Variants in DOCK4 observed in about 807,000 individuals in gnomAD.
The protein encoded by DOCK4 is dedicator of cytokinesis 4.
In DOCK4, 97 loss-of-function variants were observed where a neutral mutation model predicts 268.1. The ratio of observed to expected loss-of-function variants is 0.36; its 90% CI spans 0.31 to 0.43. The LOEUF (loss-of-function observed/expected upper bound fraction) is 0.43. DOCK4 is among the 20% of genes least tolerant of loss of function. The probability of loss-of-function intolerance (pLI) is 1.00; values close to 1 mark genes in which losing one functional copy is unlikely to be tolerated. For missense variants in DOCK4, 2,145 were observed against 2,455.7 expected (o/e 0.87, Z 2.67); for synonymous variants, 954 against 887.2 (o/e 1.08, Z -1.34).
chr7:111,796,394 T>A (rs1799897576), intron 30 of DOCK4, among the ~76,000 whole-genome samples: 1 of 152,232 alleles, frequency 6.6e-6, no homozygotes, highest in African/African-American at 2.4e-5. Context: ...CATTGCTAGT[T>A]CTCTGCAGTA....
At chr7:111,774,423 C>T (rs1024762927) in intron 36 of DOCK4, among the ~76,000 whole-genome samples, 3 of 151,966 alleles carry the variant, frequency 2.0e-5, no homozygotes, top group East Asian at 1.9e-4. Flanking sequence ...GCCGAGATTG[C>T]ACCACTGCAC....
At chr7:111,767,627 C>G (rs1411642100) in intron 37 of DOCK4, among the ~76,000 whole-genome samples, 1 of 152,146 alleles carries the variant, frequency 6.6e-6, no homozygotes, top group Non-Finnish European at 1.5e-5. Context: ...AAACGATAAT[C>G]TACCACAACA....
chr7:111,929,424 CAA>C (rs1404283820), intron 12 of DOCK4, among the ~76,000 whole-genome samples: 2 of 151,822 alleles, frequency 1.3e-5, no homozygotes, highest in African/African-American at 4.8e-5. Context: ...TAGGAAACTC[CAA>C]AAGTCAGCAA....
At chr7:111,747,757 GT>G (rs11290053) in intron 42 of DOCK4, among the ~76,000 whole-genome samples, 142,900 of 151,392 alleles carry the variant, frequency 0.94, 67,538 homozygotes, top group Middle Eastern at 0.98. Flanking sequence ...TTTAAAACTA[GT>G]TTTTTTTTTC....
At chr7:112,122,137 A>T (rs971719394) in intron 1 of DOCK4, among the ~76,000 whole-genome samples, 3 of 152,024 alleles carry the variant, frequency 2.0e-5, no homozygotes, top group Non-Finnish European at 4.4e-5. Flanking sequence ...TTTATTTTTA[A>T]TTTTGGTGGG....
chr7:111,983,764 G>T (rs145012383), intron 7 of DOCK4, among the ~76,000 whole-genome samples: 1 of 151,948 alleles, frequency 6.6e-6, no homozygotes, highest in South Asian at 2.1e-4. Flanking sequence ...AAGGGTGGGT[G>T]TAAGTCCAGC....
Position 112,141,855 on chromosome 7 carries a change from T to C in DOCK4, c.37+64247A>G, listed in dbSNP as rs540083538. Among the ~76,000 whole-genome samples the C allele has an allele frequency of 3.0e-3, 452 of 152,262 alleles. 2 individuals are homozygous for C. Among genetic ancestry groups the C allele is most frequent in the Non-Finnish European group, 5.6e-3 (383 of 68,016 alleles). On this transcript the variant is annotated intron_variant, in intron 1 of 52. Transcript: ENST00000428084. The stretch of plus-strand genomic sequence containing the variant: ...ACACTGAACTGGGGACACTTCCACT[T>C]ACAGGGGACAGCAGAGTTGCCAGAT...
At chr7:111,785,351 G>A (rs779161562) in intron 32 of DOCK4, among the ~76,000 whole-genome samples, 5 of 152,112 alleles carry the variant, frequency 3.3e-5, no homozygotes, top group Admixed American at 6.6e-5. Flanking sequence ...AAAGCAATGC[G>A]GAATGATGTA....
chr7:112,184,456 T>C (rs1196584666), intron 1 of DOCK4, among the ~76,000 whole-genome samples: 4 of 152,190 alleles, frequency 2.6e-5, no homozygotes, highest in Admixed American at 6.5e-5. Context: ...TACAGTTTAG[T>C]CCTTTGGCTA....
intron 1 of DOCK4, among the ~76,000 whole-genome samples, chr7:112,019,903 C>A (rs1802167885): frequency 6.6e-6 from 1 of 152,166 alleles, no homozygotes; most frequent in African/African-American, 2.4e-5. Context: ...AAAACACAGG[C>A]AACCAGGAAA....
chr7:111,896,726 C>T (rs550804868), intron 15 of DOCK4, among the ~76,000 whole-genome samples: 1 of 152,108 alleles, frequency 6.6e-6, no homozygotes, highest in South Asian at 2.1e-4. Flanking sequence ...GAAGACTGGA[C>T]AAGAAGGTTA....
intron 1 of DOCK4, among the ~76,000 whole-genome samples, chr7:112,203,733 AAAAC>A (rs1438959030): frequency 6.6e-6 from 1 of 152,136 alleles, no homozygotes; most frequent in Admixed American, 6.6e-5. Flanking sequence ...GTTAAAAGAA[AAAAC>A]AAACAACTTG....
At chr7:112,001,783 A>G (rs1409174602) in intron 2 of DOCK4, among the ~76,000 whole-genome samples, 1 of 152,226 alleles carries the variant, frequency 6.6e-6, no homozygotes, top group Non-Finnish European at 1.5e-5. Flanking sequence ...GAAAAAATGT[A>G]GGATGTATAA....
At chr7:111,914,985 C>T (rs1034287391) in intron 13 of DOCK4, among the ~76,000 whole-genome samples, 1 of 152,172 alleles carries the variant, frequency 6.6e-6, no homozygotes, top group Non-Finnish European at 1.5e-5. Context: ...TCAATCAATG[C>T]CTGCTGACTG....
chr7:112,061,204 A>G lies in DOCK4; in HGVS notation c.38-57073T>C, dbSNP rs868102492. On this transcript the variant is annotated intron_variant, in intron 1 of 52. Coordinates refer to ENST00000428084, the MANE Select transcript of DOCK4 (RefSeq NM_001363540.2). ...GTGTAAATCAGCATTTCCAGTAATT[A>G]CCACATTGGATGAATTCATGGTTAC... Among the ~76,000 whole-genome samples the G allele has an allele frequency of 3.3e-5, 5 of 152,120 alleles. 1 individual carries two copies. In the South Asian group the frequency reaches 1.0e-3, roughly 31 times the overall value.
chr7:111,766,995 G>A (rs759016624), intron 38 of DOCK4, 37 bp downstream of exon 38: 2 of 1,510,446 alleles, frequency 1.3e-6, no homozygotes, highest in Non-Finnish European at 1.8e-6. Context: ...CACAAAGGGA[G>A]GCTATGGCCT....
At chr7:112,012,832 CTTT>C (rs960128052) in intron 1 of DOCK4, among the ~76,000 whole-genome samples, 2 of 150,712 alleles carry the variant, frequency 1.3e-5, no homozygotes, top group South Asian at 4.2e-4. Flanking sequence ...CCCTCTGTTC[CTTT>C]TTTTTTCTGA....
chr7:111,956,813 C>A (rs1171476470), intron 8 of DOCK4, among the ~76,000 whole-genome samples: 1 of 152,168 alleles, frequency 6.6e-6, no homozygotes, highest in African/African-American at 2.4e-5. Flanking sequence ...CTCCTAGGTG[C>A]ATGCCCTTAA....
In DOCK4 at chr7:111,944,709, C is replaced by A. The variant is rs558119809; in HGVS notation, c.844+102G>T. The A allele has an allele frequency of 7.7e-6, 9 of 1,167,382 alleles. No individual in the cohort carries two copies. The African/African-American group carries it at 1.2e-4, about 16-fold the overall frequency. The allele number at this position is 1,167,382 out of a possible 1,614,324, so 72.3% of individuals were successfully genotyped here. On this transcript the variant is annotated intron_variant, in intron 10 of 52. Transcript: ENST00000428084. ...TTGGATTCAAATCTGGCTTTGATAT[C>A]TTTCTGATTCAGACAGCAATAAATC...
Sources: allele counts gnomAD v4.1 joint callset (sites outside exome capture counted in the v4.1 genomes callset), GRCh38; gene constraint gnomAD v4.1.1; transcripts MANE v1.5; gene names NCBI Gene and HGNC (gene_info 2026-07-23, HGNC 2026-07-21).